LIN7A: variants seen among roughly 807,000 people sequenced by gnomAD.
LIN7A encodes the protein protein lin-7 homolog A.
In LIN7A, 25 loss-of-function variants were observed where a neutral mutation model predicts 29.8. The ratio of observed to expected loss-of-function variants is 0.84; its 90% CI spans 0.61 to 1.17. The LOEUF is 1.17. LIN7A is among the 50% of genes most tolerant of loss of function. The pLI, the probability that LIN7A is intolerant of heterozygous loss-of-function variation, is 0.00. For synonymous variants in LIN7A, 118 were observed against 107.5 expected (o/e 1.10, Z -0.60); for missense variants, 239 against 287.0 (o/e 0.83, Z 1.21).
chr12:80,799,412 C>T (rs1661003115), intron 5 of LIN7A, among the ~76,000 whole-genome samples: 1 of 152,142 alleles, frequency 6.6e-6, no homozygotes. Context: ...TCCTAATCTC[C>T]ATAAACTATA....
Position 80,937,772 on chromosome 12 carries a change from G to A in LIN7A, c.-50C>T. ...AAAGGAGGAGATTGGGGGCGGGGGT[G>A]GAGAGGGAAGACGGAAAGGAGGGGG... On this transcript the variant is annotated 5_prime_UTR_variant, in exon 1 of 6. Coordinates refer to ENST00000552864, the MANE Select transcript of LIN7A (RefSeq NM_004664.4). 9.7e-7 allele frequency: 1 copy of A among 1,029,574 alleles called. No homozygotes were observed. Among genetic ancestry groups the A allele is most frequent in the South Asian group, 2.0e-5 (1 of 49,212 alleles). 63.8% of individuals were successfully genotyped at this position (1,029,574 alleles called of 1,614,324 possible).
intron 2 of LIN7A, among the ~76,000 whole-genome samples, chr12:80,848,988 T>G (rs1337266797): frequency 4.6e-5 from 7 of 152,192 alleles, no homozygotes; most frequent in Non-Finnish European, 1.0e-4. Flanking sequence ...GGGACTAATC[T>G]CTTCCCTGCA....
intron 1 of LIN7A, chr12:80,935,799 C>A: frequency 2.0e-6 from 1 of 507,536 alleles, no homozygotes; most frequent in Non-Finnish European, 4.2e-6. Flanking sequence ...TAATTACACT[C>A]AGAAGGACAA....
intron 1 of LIN7A, among the ~76,000 whole-genome samples, chr12:80,894,942 A>G (rs1230692064): frequency 6.6e-6 from 1 of 152,182 alleles, no homozygotes; most frequent in African/African-American, 2.4e-5. Flanking sequence ...ACACCTAACA[A>G]ATGGAGAGGC....
chr12:80,898,025 T>G (rs1261498487), intron 1 of LIN7A, among the ~76,000 whole-genome samples: 1 of 152,190 alleles, frequency 6.6e-6, no homozygotes, highest in Non-Finnish European at 1.5e-5. Context: ...GCTTTTGATA[T>G]CTTTATTATG....
chr12:80,924,152 T>A (rs1877455948), intron 1 of LIN7A, among the ~76,000 whole-genome samples: 1 of 152,188 alleles, frequency 6.6e-6, no homozygotes, highest in Non-Finnish European at 1.5e-5. Flanking sequence ...GGGCACTCAT[T>A]AGGCTATCAT....
chr12:80,905,894 C>A (rs1258269969), intron 1 of LIN7A, among the ~76,000 whole-genome samples: 1 of 151,220 alleles, frequency 6.6e-6, no homozygotes, highest in Non-Finnish European at 1.5e-5. Flanking sequence ...TTATTATTTT[C>A]TTGGTTGTCT....
chr12:80,807,234 G>C (rs887148679), intron 5 of LIN7A, among the ~76,000 whole-genome samples: 1 of 151,922 alleles, frequency 6.6e-6, no homozygotes, highest in Non-Finnish European at 1.5e-5. Flanking sequence ...ACCACGCCCA[G>C]CTAATTTTTT....
intron 1 of LIN7A, among the ~76,000 whole-genome samples, chr12:80,917,694 A>T (rs959245097): frequency 1.3e-5 from 2 of 152,044 alleles, no homozygotes; most frequent in African/African-American, 4.8e-5. Flanking sequence ...TTCTTTCACA[A>T]TACATACTTT....
At chr12:80,816,310 C>T (rs1418595709) in intron 4 of LIN7A, among the ~76,000 whole-genome samples, 1 of 151,784 alleles carries the variant, frequency 6.6e-6, no homozygotes, top group African/African-American at 2.4e-5. Context: ...ACTTGGGATG[C>T]TGAACCAAGA....
intron 2 of LIN7A, among the ~76,000 whole-genome samples, chr12:80,886,670 T>C (rs17674987): frequency 0.055 from 8,297 of 152,170 alleles, 254 homozygotes; most frequent in Admixed American, 0.096. Context: ...TTTATAAAAA[T>C]GTAAGGTAGA....
intron 2 of LIN7A, among the ~76,000 whole-genome samples, chr12:80,863,478 G>T (rs772199328): frequency 2.8e-4 from 42 of 152,122 alleles, no homozygotes; most frequent in Non-Finnish European, 1.0e-4. Flanking sequence ...TAGCCAAGCC[G>T]CAATTAACCA....
rs919298657 is a variant in LIN7A, at chr12:80,900,973, T to C, written c.83-11604A>G. Reference sequence around the variant, plus strand: ...GACTTGAAAATAGATTGGAGTTCATTTTATTAGCACTTATGAAAATTTTTA... The same window carrying C: ...GACTTGAAAATAGATTGGAGTTCATCTTATTAGCACTTATGAAAATTTTTA... On this transcript the variant is annotated intron_variant, in intron 1 of 5. Coordinates refer to ENST00000552864, the MANE Select transcript of LIN7A (RefSeq NM_004664.4). Among the ~76,000 whole-genome samples the C allele has an allele frequency of 2.0e-5, 3 of 152,154 alleles. No individual in the cohort carries two copies. In the South Asian group the frequency reaches 6.2e-4, roughly 32 times the overall value.
At position 80,793,349 on chromosome 12, in the gene LIN7A, T is replaced by C. The variant is rs898857189; in HGVS notation, c.*4378A>G. The C allele has an allele frequency of 1.3e-5, 2 of 152,154 alleles. No individual in the cohort carries two copies. The highest frequency in any genetic ancestry group is 2.9e-5 in the Non-Finnish European group (2 of 68,030). The allele number at this position is 152,154 out of a possible 1,614,324, so 9.4% of individuals were successfully genotyped here. On this transcript the variant is annotated 3_prime_UTR_variant, in exon 6 of 6. Transcript: ENST00000552864. Reference sequence around the variant, plus strand: ...CTACCTCACTGGGGTATAACCGTGGTTTATAGATAAACTAAGCAGCATTTT... The same window carrying C: ...CTACCTCACTGGGGTATAACCGTGGCTTATAGATAAACTAAGCAGCATTTT...
intron 2 of LIN7A, among the ~76,000 whole-genome samples, chr12:80,881,803 C>CCTGTATTACAAA (rs1388002190): frequency 5.3e-5 from 8 of 152,090 alleles, no homozygotes; most frequent in Non-Finnish European, 4.4e-5. Context: ...TACAAATGAG[C>CCTGTATTACAAA]CCATTTGTAA....
intron 2 of LIN7A, among the ~76,000 whole-genome samples, chr12:80,875,871 C>G (rs1317880260): frequency 6.6e-6 from 1 of 152,012 alleles, no homozygotes; most frequent in Non-Finnish European, 1.5e-5. Context: ...AGATAGAGAT[C>G]CACAAATTAT....
intron 5 of LIN7A, among the ~76,000 whole-genome samples, chr12:80,800,387 G>C (rs1870659561): frequency 6.6e-6 from 1 of 150,842 alleles, no homozygotes; most frequent in African/African-American, 2.4e-5. Context: ...TACTCGGAAG[G>C]CTGAGGCAGG....
intron 2 of LIN7A, among the ~76,000 whole-genome samples, chr12:80,876,216 A>G (rs1278613268): frequency 6.6e-6 from 1 of 152,056 alleles, no homozygotes; most frequent in Non-Finnish European, 1.5e-5. Flanking sequence ...CTGTTCCCCA[A>G]ACTCATTCCC....
At chr12:80,844,607 C>T (rs190872790) in intron 4 of LIN7A, among the ~76,000 whole-genome samples, 4 of 152,056 alleles carry the variant, frequency 2.6e-5, no homozygotes, top group East Asian at 1.9e-4. Context: ...TTAGGTTAAT[C>T]GAAAGGTAAC....
Sources: allele counts gnomAD v4.1 joint callset (sites outside exome capture counted in the v4.1 genomes callset), GRCh38; gene constraint gnomAD v4.1.1; transcripts MANE v1.5; gene names NCBI Gene and HGNC (gene_info 2026-07-23, HGNC 2026-07-21).